Variants in LAMA1 observed in about 807,000 individuals in gnomAD.
LAMA1 encodes laminin subunit alpha-1.
A neutral mutation model predicts 348.7 loss-of-function variants in LAMA1; 219 were observed. That is an observed-to-expected ratio of 0.63 (90% CI 0.56 to 0.70). The LOEUF (loss-of-function observed/expected upper bound fraction) is 0.70, where lower values mean the gene tolerates loss of function less well. Ranked by LOEUF, LAMA1 falls within the 30% of genes least tolerant of loss-of-function variation. The pLI, the probability that LAMA1 is intolerant of heterozygous loss-of-function variation, is 0.00. For missense variants in LAMA1, 3,744 were observed against 3,888.0 expected, an observed-to-expected ratio of 0.96 and a Z score of 0.99; for synonymous variants, 1,487 against 1,491.0, an observed-to-expected ratio of 1.00 and a Z score of 0.06.
chr18:7,109,172 G>A (rs1290671443), intron 1 of LAMA1, among the ~76,000 whole-genome samples: 3 of 152,228 alleles, frequency 2.0e-5, no homozygotes, highest in Non-Finnish European at 4.4e-5. Flanking sequence ...CATACCCAGA[G>A]AGGTGCCAGG....
intron 41 of LAMA1, 36 bp downstream of exon 41, chr18:6,982,461 C>T: frequency 6.4e-7 from 1 of 1,565,196 alleles, no homozygotes; most frequent in Non-Finnish European, 8.8e-7. Context: ...CTCACGCTCA[C>T]TCTGCCTGTC....
intron 2 of LAMA1, 85 bp from the exon 3 acceptor site, chr18:7,080,172 CAA>C (rs1466013715): frequency 6.4e-7 from 1 of 1,562,054 alleles, no homozygotes; most frequent in East Asian, 2.2e-5. Context: ...CTAGTGGAAA[CAA>C]AGAGCAGTGA....
chr18:7,036,221 G>A, intron 12 of LAMA1, 133 bp from the exon 13 acceptor site: 1 of 719,998 alleles, frequency 1.4e-6, no homozygotes, highest in Non-Finnish European at 2.5e-6. Context: ...TGACAGACAA[G>A]GAAATTCACA....
At chr18:6,955,586 A>G in intron 56 of LAMA1, 121 bp from the exon 57 acceptor site, 1 of 731,992 alleles carries the variant, frequency 1.4e-6, no homozygotes, top group Non-Finnish European at 2.5e-6. Flanking sequence ...AACAACCACC[A>G]GTGCCTGTTG....
intron 28 of LAMA1, among the ~76,000 whole-genome samples, chr18:7,007,816 G>C (rs894294824): frequency 9.2e-5 from 14 of 152,066 alleles, no homozygotes; most frequent in Non-Finnish European, 1.8e-4. Flanking sequence ...AAAAAGGAGG[G>C]AAATTCTGAC....
intron 1 of LAMA1, among the ~76,000 whole-genome samples, chr18:7,102,817 T>G (rs185699290): frequency 1.5e-4 from 23 of 152,346 alleles, no homozygotes; most frequent in Admixed American, 3.3e-4. Context: ...TGGCTAGAGA[T>G]CAGTGGCTCT....
At chr18:6,982,121 T>G (rs2057714536) in intron 41 of LAMA1, among the ~76,000 whole-genome samples, 1 of 152,096 alleles carries the variant, frequency 6.6e-6, no homozygotes, top group African/African-American at 2.4e-5. Context: ...AAAAGAAATA[T>G]CAAGCATAAT....
chr18:7,032,078 G>A lies in LAMA1; in HGVS notation c.2262C>T (p.His754=), dbSNP rs375427541. Residue 754 remains histidine (H), a synonymous_variant, in exon 16 of 63, where the codon CAC becomes CAT. Transcript: ENST00000389658. ...GTGAGAGACTCACAATGCAAACGCCGTGAACATTACACTCAGCTGCATGGC... is the reference window on the plus strand; with the variant it reads ...GTGAGAGACTCACAATGCAAACGCCATGAACATTACACTCAGCTGCATGGC... The part of the protein sequence containing the change: ...CHGHAAECNV[H]GVCIACAHNT... 45 of 1,613,808 alleles carry A rather than the reference G, an allele frequency of 2.8e-5. No homozygotes were observed. Among genetic ancestry groups the A allele is most frequent in the Non-Finnish European group, 3.4e-5 (40 of 1,179,846 alleles).
In LAMA1 at chr18:7,043,218, T is replaced by G. The variant is rs1568043704; in HGVS notation, c.1155+9A>C. 6.2e-7 allele frequency: 1 copy of G among 1,613,646 alleles called. No homozygotes were observed. The highest frequency in any genetic ancestry group is 8.5e-7 in the Non-Finnish European group (1 of 1,179,574). ...ATGAAGATCAGCAATGGCAAAGAAA[T>G]ACTCTTACTTTGTGTGGTCTATAAT... On this transcript the variant is annotated intron_variant, in intron 8 of 62. Transcript: ENST00000389658.
At chr18:6,958,769 C>T in intron 54 of LAMA1, 107 bp from the exon 55 acceptor site, 1 of 949,688 alleles carries the variant, frequency 1.1e-6, no homozygotes, top group Non-Finnish European at 1.6e-6. Context: ...ATAAAAGTTC[C>T]CTAAAGGTTC....
chr18:6,977,718 C>CA lies in LAMA1; in HGVS notation c.6345+8dup. 1 of 1,613,972 alleles carries CA rather than the reference C, an allele frequency of 6.2e-7. No homozygotes were observed. Among genetic ancestry groups the CA allele is most frequent in the Non-Finnish European group, 8.5e-7 (1 of 1,179,922 alleles). On this transcript the variant is annotated intron_variant, in intron 44 of 62. Transcript: ENST00000389658. ...CCCAGTTACGAAAGCCACGGGGCCC[C>CA]AAACTCACAGAAGCTGCTTGTTTGC...
intron 9 of LAMA1, among the ~76,000 whole-genome samples, 193 bp from the exon 10 acceptor site, chr18:7,040,429 A>G (rs542510387): frequency 2.6e-5 from 4 of 152,368 alleles, no homozygotes; most frequent in South Asian, 4.1e-4. Context: ...GCAAATGGCT[A>G]TATCTCCATT....
intron 1 of LAMA1, 102 bp downstream of exon 1, chr18:7,117,558 C>G: frequency 1.6e-6 from 2 of 1,264,408 alleles, no homozygotes; most frequent in South Asian, 1.3e-5. Context: ...TCAGGATGCG[C>G]GCCCGGACTC....
intron 1 of LAMA1, among the ~76,000 whole-genome samples, chr18:7,110,995 C>T (rs1012877542): frequency 1.5e-4 from 23 of 151,048 alleles, no homozygotes; most frequent in African/African-American, 5.6e-4. Flanking sequence ...GAAGTTCTGG[C>T]AGGAAACTAT....
At chr18:7,002,471 G>C in intron 29 of LAMA1, 86 bp from the exon 30 acceptor site, 1 of 1,348,642 alleles carries the variant, frequency 7.4e-7, no homozygotes, top group Non-Finnish European at 1.1e-6. Context: ...GCACTGCCAC[G>C]TTTTATATCA....
chr18:6,997,988 G>A, intron 32 of LAMA1, 104 bp from the exon 33 acceptor site: 1 of 985,708 alleles, frequency 1.0e-6, no homozygotes, highest in Non-Finnish European at 1.6e-6. Context: ...GACACATGCG[G>A]TCAGAGTACA....
intron 44 of LAMA1, among the ~76,000 whole-genome samples, chr18:6,977,018 C>T (rs552862984): frequency 1.3e-4 from 20 of 152,338 alleles, no homozygotes; most frequent in Middle Eastern, 6.8e-3. Context: ...AAGACAGAGC[C>T]CTGTGCTCCT....
In LAMA1 at chr18:6,982,555, G is replaced by C. The variant is rs530014646; in HGVS notation, c.5832C>G (p.Ala1944=). ...SESLVSNGKA[A]VQRSSRFLKE... ...TTAGAAATCTGGAGCTGCGCTGCAC[G>C]GCCGCTTTCCCGTTAGAAACAAGGG... The change falls in exon 41 of 63, where the codon GCC becomes GCG. Residue 1944 remains alanine (A), a synonymous_variant. Coordinates refer to ENST00000389658, the MANE Select transcript of LAMA1 (RefSeq NM_005559.4). The C allele has an allele frequency of 1.2e-6, 2 of 1,614,108 alleles. No homozygotes were observed. The highest frequency in any genetic ancestry group is 2.2e-5 in the East Asian group (1 of 44,870).
chr18:6,946,590 A>G (rs1182386569), intron 61 of LAMA1, among the ~76,000 whole-genome samples: 3 of 152,096 alleles, frequency 2.0e-5, no homozygotes, highest in Admixed American at 6.6e-5. Context: ...GTGGTGGTGC[A>G]CGCCTGTAAT....
Sources: allele counts gnomAD v4.1 joint callset (sites outside exome capture counted in the v4.1 genomes callset), GRCh38; gene constraint gnomAD v4.1.1; transcripts MANE v1.5; gene names NCBI Gene and HGNC (gene_info 2026-07-23, HGNC 2026-07-21).